Variants in NEDD4L observed in about 807,000 individuals in gnomAD.
NEDD4L encodes the protein NEDD4 like E3 ubiquitin protein ligase.
Under a neutral mutation model 148.9 loss-of-function variants are expected in NEDD4L, and 54 were observed. The ratio of observed to expected loss-of-function variants is 0.36; its 90% CI spans 0.29 to 0.45. NEDD4L has a LOEUF of 0.45. Ranked by LOEUF, NEDD4L falls within the 20% of genes least tolerant of loss-of-function variation. NEDD4L has a pLI of 1.00. For missense variants in NEDD4L, 856 were observed against 1,233.8 expected, an observed-to-expected ratio of 0.69 and a Z score of 4.59; for synonymous variants, 433 against 440.7, an observed-to-expected ratio of 0.98 and a Z score of 0.22.
At chr18:58,221,752 G>T (rs762289304) in intron 2 of NEDD4L, 2 of 983,528 alleles carry the variant, frequency 2.0e-6, no homozygotes, top group Non-Finnish European at 1.2e-6. Flanking sequence ...TTGAGGAAAA[G>T]TATAGGTAAG....
At chr18:58,302,187 A>G (rs917279719) in intron 5 of NEDD4L, among the ~76,000 whole-genome samples, 1 of 152,202 alleles carries the variant, frequency 6.6e-6, no homozygotes, top group South Asian at 2.1e-4. Flanking sequence ...TGGCCTCTTC[A>G]GTGTATCATG....
chr18:58,175,885 T>A (rs1599375352), intron 2 of NEDD4L, among the ~76,000 whole-genome samples: 1 of 152,314 alleles, frequency 6.6e-6, no homozygotes, highest in East Asian at 1.9e-4. Context: ...ATGTCAATCC[T>A]AGCCTCCACA....
At chr18:58,113,907 C>G (rs1023495643) in intron 1 of NEDD4L, among the ~76,000 whole-genome samples, 1 of 151,908 alleles carries the variant, frequency 6.6e-6, no homozygotes, top group East Asian at 1.9e-4. Context: ...TGCCCAAGAC[C>G]GAGATGGCTG....
At position 58,370,401 on chromosome 18, in the gene NEDD4L, C is replaced by T. The variant is rs2046703634; in HGVS notation, c.2190C>T (p.Phe730=). The T allele has an allele frequency of 1.2e-6, 2 of 1,605,874 alleles. No homozygotes were observed. Among genetic ancestry groups the T allele is most frequent in the African/African-American group, 2.7e-5 (2 of 74,770 alleles). Residue 730 remains phenylalanine, a synonymous_variant, in exon 23 of 31, where the codon TTC becomes TTT. Transcript: ENST00000400345. ...AVFHGKLLDG[F]FIRPFYKMML... ...CCAGTGTTTACCGTGTTTTAGGTTTCTTCATTAGACCATTTTACAAGATGA... is the reference window on the plus strand; with the variant it reads ...CCAGTGTTTACCGTGTTTTAGGTTTTTTCATTAGACCATTTTACAAGATGA...
At chr18:58,062,804 C>T (rs753011270) in intron 1 of NEDD4L, among the ~76,000 whole-genome samples, 6 of 151,964 alleles carry the variant, frequency 3.9e-5, no homozygotes, top group African/African-American at 2.4e-5. Flanking sequence ...TTGGCTAACA[C>T]GGTGAAACCC....
intron 1 of NEDD4L, among the ~76,000 whole-genome samples, chr18:58,125,935 G>C (rs544008839): frequency 6.6e-6 from 1 of 152,328 alleles, no homozygotes; most frequent in South Asian, 2.1e-4. Flanking sequence ...GGCAGGTCCC[G>C]CCACCCGGGC....
At position 58,256,880 on chromosome 18, in the gene NEDD4L, C is replaced by T; in HGVS notation, c.297+4826C>T. 9.6e-7 allele frequency: 1 copy of T among 1,040,332 alleles called. No individual in the cohort carries two copies. The highest frequency in any genetic ancestry group is 1.2e-6 in the Non-Finnish European group (1 of 813,754). 64.4% of individuals were successfully genotyped at this position (1,040,332 alleles called of 1,614,324 possible). A position where few individuals can be genotyped will look rare whatever the true frequency, so the allele number is the denominator to read the frequency against. On this transcript the variant is annotated intron_variant, in intron 5 of 30. Transcript: ENST00000400345. This position sits in a 1 kb window ranked among gnomAD's most constrained non-coding sequence, Gnocchi z 5.2. Reference sequence around the variant, plus strand: ...ACCCTCTGTTCCGGGAGTTTCCCTGCTTCAGGCCAGTGGATCTGAATGTTT... The same window carrying T: ...ACCCTCTGTTCCGGGAGTTTCCCTGTTTCAGGCCAGTGGATCTGAATGTTT...
chr18:58,149,562 A>T, intron 1 of NEDD4L: 1 of 1,539,440 alleles, frequency 6.5e-7, no homozygotes, highest in Non-Finnish European at 8.8e-7. Context: ...TTGAGCAGGT[A>T]ACACTCGGTA....
chr18:58,226,405 T>G (rs2148026476), intron 2 of NEDD4L, among the ~76,000 whole-genome samples: 1 of 152,310 alleles, frequency 6.6e-6, no homozygotes, highest in African/African-American at 2.4e-5. Context: ...GCTCTATGTT[T>G]TCTCCCCTGA....
At chr18:58,259,317 GTA>G (rs553592982) in intron 5 of NEDD4L, among the ~76,000 whole-genome samples, 269 of 152,276 alleles carry the variant, frequency 1.8e-3, no homozygotes, top group African/African-American at 5.9e-3. Context: ...GAATTCATTC[GTA>G]TAGTCATCAA....
chr18:58,338,419 A>G (rs1373044415), intron 13 of NEDD4L, among the ~76,000 whole-genome samples: 2 of 152,216 alleles, frequency 1.3e-5, no homozygotes, highest in Non-Finnish European at 2.9e-5. Flanking sequence ...CATCAGCACA[A>G]GTTGTTCTAT....
At chr18:58,203,260 C>T (rs2041618035) in intron 2 of NEDD4L, among the ~76,000 whole-genome samples, 1 of 152,190 alleles carries the variant, frequency 6.6e-6, no homozygotes, top group Admixed American at 6.5e-5. Context: ...AGCCGCCGCA[C>T]CTGGCCCTCA....
chr18:58,114,427 A>G (rs1251771447), intron 1 of NEDD4L, among the ~76,000 whole-genome samples: 1 of 152,162 alleles, frequency 6.6e-6, no homozygotes, highest in Non-Finnish European at 1.5e-5. Context: ...GTGCCAGGGG[A>G]TCCCAAACTC....
chr18:58,052,960 T>C (rs192967101), intron 1 of NEDD4L, among the ~76,000 whole-genome samples: 17 of 152,162 alleles, frequency 1.1e-4, no homozygotes, highest in Admixed American at 9.2e-4. Flanking sequence ...AGTGAGACTT[T>C]GTCTCAAAAA....
chr18:58,265,750 A>T (rs1378613309), intron 5 of NEDD4L, among the ~76,000 whole-genome samples: 4 of 151,902 alleles, frequency 2.6e-5, no homozygotes, highest in Non-Finnish European at 5.9e-5. Context: ...TTTTGTAGAG[A>T]TGGGGGTCTT....
At position 58,260,418 on chromosome 18, in the gene NEDD4L, CTG is replaced by C. The variant is rs1198491913; in HGVS notation, c.297+8366_297+8367del. 2.0e-5 allele frequency among the ~76,000 whole-genome samples: 3 copies of C among 152,354 alleles called. No homozygotes were observed. In the East Asian group the frequency reaches 5.8e-4, roughly 29 times the overall value. ...ACACCGATATGTTTGTAAACAGAAA[CTG>C]TACATGGCTTGCAGCATAGCTCATG... On this transcript the variant is annotated intron_variant, in intron 5 of 30. Coordinates refer to ENST00000400345, the MANE Select transcript of NEDD4L (RefSeq NM_001144967.3).
chr18:58,267,531 C>A (rs996556745), intron 5 of NEDD4L, among the ~76,000 whole-genome samples: 2 of 151,950 alleles, frequency 1.3e-5, no homozygotes, highest in Non-Finnish European at 1.5e-5. Flanking sequence ...TGGTCCCTGG[C>A]CTGTGCTGTT....
intron 1 of NEDD4L, among the ~76,000 whole-genome samples, chr18:58,154,818 C>T (rs1444864217): frequency 6.6e-6 from 1 of 152,084 alleles, no homozygotes; most frequent in Non-Finnish European, 1.5e-5. Flanking sequence ...CAAAAACAAT[C>T]CAGTTATTCC....
chr18:58,071,144 A>G (rs2082856957), intron 1 of NEDD4L, among the ~76,000 whole-genome samples: 1 of 152,178 alleles, frequency 6.6e-6, no homozygotes, highest in Non-Finnish European at 1.5e-5. Flanking sequence ...TCACTATGAA[A>G]GTTATGTTCA....
Sources: gnomAD v4.1 joint callset for allele counts (sites outside exome capture counted in the v4.1 genomes callset) on GRCh38, gnomAD v4.1.1 for gene constraint, Gnocchi (gnomAD v3.1) non-coding constraint, MANE v1.5 for transcripts, NCBI Gene and HGNC (gene_info 2026-07-23, HGNC 2026-07-21) for gene names.